CCDC38: variants seen among roughly 807,000 people sequenced by gnomAD.
CCDC38 encodes coiled-coil domain containing 38.
CCDC38 carries 69 observed loss-of-function variants against 72.8 expected under a neutral mutation model. The observed-to-expected ratio is 0.95, with a 90% CI of 0.78 to 1.16. The LOEUF (loss-of-function observed/expected upper bound fraction) is 1.16, where lower values mean the gene tolerates loss of function less well. Among genes scored for constraint, CCDC38 ranks in the 50% most tolerant of loss-of-function variants. The probability of loss-of-function intolerance (pLI) is 0.00; values close to 1 mark genes in which losing one functional copy is unlikely to be tolerated. For synonymous variants in CCDC38, 201 were observed against 213.2 expected (o/e 0.94, Z 0.50); for missense variants, 626 against 638.9 (o/e 0.98, Z 0.22).
intron 5 of CCDC38, among the ~76,000 whole-genome samples, chr12:95,905,254 A>C (rs2079989471): frequency 6.6e-6 from 1 of 152,100 alleles, no homozygotes; most frequent in Admixed American, 6.6e-5. Context: ...GTGGATACAG[A>C]GGGTAGACTG....
intron 2 of CCDC38, among the ~76,000 whole-genome samples, chr12:95,923,408 A>G (rs1216425870): frequency 6.6e-6 from 1 of 152,048 alleles, no homozygotes; most frequent in African/African-American, 2.4e-5. Flanking sequence ...AGACATCCCA[A>G]TATGGAGCCA....
At position 95,888,364 on chromosome 12, in the gene CCDC38, G is replaced by A. The variant is rs1379014726; in HGVS notation, c.920+94C>T. 4 of 1,087,966 alleles carry A rather than the reference G, an allele frequency of 3.7e-6. No individual in the cohort carries two copies. The East Asian group carries it at 9.5e-5, about 26-fold the overall frequency. The allele number at this position is 1,087,966 out of a possible 1,614,324, so 67.4% of individuals were successfully genotyped here. ...TCCAGGATCTCTTACAACAGTTATG[G>A]GTACATGACATATATGTTGAGAAAA... is the stretch of plus-strand genomic sequence containing the variant. On this transcript the variant is annotated intron_variant, in intron 10 of 15. Coordinates refer to ENST00000344280, the MANE Select transcript of CCDC38 (RefSeq NM_182496.3).
Position 95,869,547 on chromosome 12 carries a change from T to C in CCDC38, c.1511A>G (p.Lys504Arg). The C allele has an allele frequency of 6.2e-7, 1 of 1,613,446 alleles. No individual in the cohort carries two copies. The highest frequency in any genetic ancestry group is 1.7e-5 in the Admixed American group (1 of 59,980). Residue 504 changes from lysine (K) to arginine (R), a missense_variant, in exon 15 of 16, where the codon AAA becomes AGA. Physicochemically the swap from Lys to Arg is conservative, Grantham distance 26. Transcript: ENST00000344280. ...TAGCCTTTCCTGTTGGTGTCTTTGT[T>C]TTTCTTTCATTTTCTCATCACGAAA... ...QKFRDEKMKEKQRHQQERLKA... is the reference protein window; with the variant it reads ...QKFRDEKMKERQRHQQERLKA...
At chr12:95,888,631 A>C in intron 9 of CCDC38, 125 bp from the exon 10 acceptor site, 1 of 731,104 alleles carries the variant, frequency 1.4e-6, no homozygotes, top group South Asian at 1.7e-5. Context: ...AGACATGCCC[A>C]TTACTTCTTT....
chr12:95,929,892 C>G (rs1270803428), intron 2 of CCDC38, among the ~76,000 whole-genome samples: 1 of 152,158 alleles, frequency 6.6e-6, no homozygotes, highest in Non-Finnish European at 1.5e-5. Context: ...TTCCACAGTT[C>G]TAGCTTCTGA....
At chr12:95,869,636 T>C in intron 14 of CCDC38, 63 bp from the exon 15 acceptor site, 2 of 1,240,046 alleles carry the variant, frequency 1.6e-6, no homozygotes, top group Non-Finnish European at 1.2e-6. Context: ...AAAAGTACAT[T>C]ACTATTTGTT....
intron 2 of CCDC38, among the ~76,000 whole-genome samples, chr12:95,923,115 TC>T (rs2136726724): frequency 6.6e-6 from 1 of 152,190 alleles, no homozygotes; most frequent in East Asian, 1.9e-4. Context: ...TCTCATCTCA[TC>T]TTCTCCTATG....
intron 1 of CCDC38, among the ~76,000 whole-genome samples, chr12:95,938,231 G>T (rs2080414337): frequency 6.6e-6 from 1 of 152,134 alleles, no homozygotes; most frequent in South Asian, 2.1e-4. Flanking sequence ...TTCTCACGGG[G>T]GAAAAGAAAG....
chr12:95,940,288 C>T (rs748607197), intron 1 of CCDC38, among the ~76,000 whole-genome samples: 1 of 152,132 alleles, frequency 6.6e-6, no homozygotes, highest in Non-Finnish European at 1.5e-5. Context: ...CCTGAATCAG[C>T]TTCATGTAGA....
At chr12:95,886,421 A>G (rs1004272377) in intron 10 of CCDC38, among the ~76,000 whole-genome samples, 14 of 152,216 alleles carry the variant, frequency 9.2e-5, no homozygotes, top group African/African-American at 3.1e-4. Context: ...ACGTTTTAGA[A>G]TTGACACCAA....
At chr12:95,930,826 T>C (rs2080329588) in intron 2 of CCDC38, among the ~76,000 whole-genome samples, 1 of 152,154 alleles carries the variant, frequency 6.6e-6, no homozygotes, top group African/African-American at 2.4e-5. Flanking sequence ...AATACTCCAT[T>C]TTAGCAATAA....
chr12:95,880,934 G>A (rs1349390918), intron 11 of CCDC38, among the ~76,000 whole-genome samples: 1 of 152,138 alleles, frequency 6.6e-6, no homozygotes, highest in African/African-American at 2.4e-5. Context: ...TGACACTACT[G>A]TAATGCACAC....
intron 2 of CCDC38, among the ~76,000 whole-genome samples, chr12:95,924,763 G>A (rs1199926786): frequency 2.0e-5 from 3 of 149,220 alleles, no homozygotes; most frequent in African/African-American, 7.4e-5. Flanking sequence ...CATATGGCTA[G>A]CCAGTTTTCC....
chr12:95,872,472 A>G lies in CCDC38; in HGVS notation c.1279-12T>C. 6.4e-7 allele frequency: 1 copy of G among 1,564,018 alleles called. No individual in the cohort carries two copies. The highest frequency in any genetic ancestry group is 8.8e-7 in the Non-Finnish European group (1 of 1,134,684). On this transcript the variant is annotated splice_polypyrimidine_tract_variant and intron_variant, in intron 13 of 15. Coordinates refer to ENST00000344280, the MANE Select transcript of CCDC38 (RefSeq NM_182496.3). ...TCTATCAGTATTTCCTGAGATTGAG[A>G]AGAGCAGAAAACATTAACATCACAT...
intron 10 of CCDC38, among the ~76,000 whole-genome samples, chr12:95,887,390 G>A (rs1305061293): frequency 6.6e-6 from 1 of 152,124 alleles, no homozygotes; most frequent in Non-Finnish European, 1.5e-5. Flanking sequence ...TTAAACTGTA[G>A]CACGTCCATA....
At chr12:95,927,418 G>C (rs2080284159) in intron 2 of CCDC38, among the ~76,000 whole-genome samples, 2 of 148,200 alleles carry the variant, frequency 1.3e-5, no homozygotes, top group Non-Finnish European at 3.0e-5. Context: ...CTTTTATTTT[G>C]AGCCTATGTG....
At chr12:95,919,696 T>C (rs1256709723) in intron 2 of CCDC38, 11 of 449,758 alleles carry the variant, frequency 2.4e-5, no homozygotes, top group Non-Finnish European at 3.6e-5. Flanking sequence ...GAGATATTAA[T>C]ATGTTTCTTC....
At chr12:95,867,720 C>T (rs1000182874) in intron 15 of CCDC38, among the ~76,000 whole-genome samples, 1 of 152,196 alleles carries the variant, frequency 6.6e-6, no homozygotes. Flanking sequence ...CCTATTCATT[C>T]TCTCTGGGTC....
At chr12:95,930,426 C>T (rs2080325691) in intron 2 of CCDC38, among the ~76,000 whole-genome samples, 1 of 152,108 alleles carries the variant, frequency 6.6e-6, no homozygotes, top group South Asian at 2.1e-4. Flanking sequence ...AGTGAAATTC[C>T]TGGGATTCCT....
Sources: allele counts gnomAD v4.1 joint callset (sites outside exome capture counted in the v4.1 genomes callset), GRCh38; gene constraint gnomAD v4.1.1; transcripts MANE v1.5; gene names NCBI Gene and HGNC (gene_info 2026-07-23, HGNC 2026-07-21).